EPHA6: variants seen among roughly 807,000 people sequenced by gnomAD.
EPHA6 encodes ephrin type-A receptor 6.
A neutral mutation model predicts 112.0 loss-of-function variants in EPHA6; 50 were observed. The ratio of observed to expected loss-of-function variants is 0.45; its 90% CI spans 0.36 to 0.56. The LOEUF (loss-of-function observed/expected upper bound fraction) is 0.56. Ranked by LOEUF, EPHA6 falls within the 20% of genes least tolerant of loss-of-function variation. EPHA6 has a pLI of 0.00. For missense variants in EPHA6, 1,280 were observed against 1,417.4 expected, an observed-to-expected ratio of 0.90 and a Z score of 1.56; for synonymous variants, 529 against 490.7, an observed-to-expected ratio of 1.08 and a Z score of -1.03.
At chr3:97,288,781 A>G (rs1559854283) in intron 5 of EPHA6, among the ~76,000 whole-genome samples, 1 of 149,330 alleles carries the variant, frequency 6.7e-6, no homozygotes, top group Non-Finnish European at 1.5e-5. Context: ...GACTGGTGTA[A>G]CATAGTATCT....
intron 3 of EPHA6, among the ~76,000 whole-genome samples, chr3:97,023,185 T>C (rs2044521670): frequency 6.6e-6 from 1 of 152,140 alleles, no homozygotes; most frequent in South Asian, 2.1e-4. Context: ...TTCAAGCAAT[T>C]CTCCTGCCTC....
chr3:97,570,032 T>G (rs2093316566), intron 11 of EPHA6: 1 of 152,128 alleles, frequency 6.6e-6, no homozygotes, highest in African/African-American at 2.4e-5. Flanking sequence ...CGACTCACAC[T>G]GTTGCCAGGT....
At chr3:96,934,467 A>C (rs924096607) in intron 2 of EPHA6, among the ~76,000 whole-genome samples, 1 of 151,634 alleles carries the variant, frequency 6.6e-6, no homozygotes, top group African/African-American at 2.4e-5. Flanking sequence ...TTATTATTTT[A>C]TTAACCATGG....
intron 3 of EPHA6, among the ~76,000 whole-genome samples, chr3:97,107,263 GAAGTA>G (rs2047596000): frequency 6.6e-6 from 1 of 152,080 alleles, no homozygotes; most frequent in African/African-American, 2.4e-5. Flanking sequence ...GAATATTCAA[GAAGTA>G]AATAGTAGTG....
At chr3:97,452,616 A>G (rs1022513928) in intron 7 of EPHA6, among the ~76,000 whole-genome samples, 1 of 151,790 alleles carries the variant, frequency 6.6e-6, no homozygotes, top group Non-Finnish European at 1.5e-5. Flanking sequence ...ATAAAATTAC[A>G]GAATCAGTAG....
At chr3:97,029,001 A>G (rs565276029) in intron 3 of EPHA6, among the ~76,000 whole-genome samples, 71 of 151,764 alleles carry the variant, frequency 4.7e-4, no homozygotes, top group South Asian at 1.9e-3. Flanking sequence ...AGGAAATGAA[A>G]TATTGGAATT....
At chr3:97,088,158 T>C (rs748433513) in intron 3 of EPHA6, among the ~76,000 whole-genome samples, 3 of 152,014 alleles carry the variant, frequency 2.0e-5, no homozygotes, top group Non-Finnish European at 4.4e-5. Flanking sequence ...TCCAGCCTGG[T>C]GACAGAGCAA....
At chr3:97,508,476 G>A (rs543990958) in intron 10 of EPHA6, among the ~76,000 whole-genome samples, 5 of 152,302 alleles carry the variant, frequency 3.3e-5, no homozygotes, top group South Asian at 2.1e-4. Context: ...GCAGTTTTGC[G>A]TGAGTTTCTT....
chr3:97,314,984 A>T (rs536204204), intron 5 of EPHA6, among the ~76,000 whole-genome samples: 19 of 151,800 alleles, frequency 1.3e-4, no homozygotes, highest in Middle Eastern at 3.4e-3. Context: ...GATGAAAATC[A>T]CCACTTCAAA....
At chr3:96,937,130 T>A (rs928817886) in intron 2 of EPHA6, among the ~76,000 whole-genome samples, 5 of 152,212 alleles carry the variant, frequency 3.3e-5, no homozygotes, top group Non-Finnish European at 1.5e-5. Flanking sequence ...TACCCAGTAA[T>A]GGGATTGCTG....
At chr3:97,658,007 G>A (rs2094146995) in intron 14 of EPHA6, among the ~76,000 whole-genome samples, 1 of 151,888 alleles carries the variant, frequency 6.6e-6, no homozygotes, top group Middle Eastern at 3.4e-3. Flanking sequence ...CAATACAGTG[G>A]AAAGGGGGAG....
intron 14 of EPHA6, among the ~76,000 whole-genome samples, chr3:97,697,717 A>G (rs898368609): frequency 3.3e-5 from 5 of 152,152 alleles, no homozygotes; most frequent in Admixed American, 1.3e-4. Context: ...TGAAGCATCT[A>G]ATATACTCGA....
intron 14 of EPHA6, among the ~76,000 whole-genome samples, chr3:97,660,629 G>C (rs750856257): frequency 6.6e-6 from 1 of 152,086 alleles, no homozygotes; most frequent in Non-Finnish European, 1.5e-5. Flanking sequence ...TGATTTGCCT[G>C]TATTGTGCCC....
intron 2 of EPHA6, among the ~76,000 whole-genome samples, chr3:96,960,412 A>T (rs1208227847): frequency 1.3e-5 from 2 of 152,054 alleles, no homozygotes; most frequent in Non-Finnish European, 2.9e-5. Context: ...CCGTTTTGCC[A>T]CTTTTGGCAA....
chr3:97,585,417 G>A (rs147709470), intron 11 of EPHA6, among the ~76,000 whole-genome samples: 60 of 152,106 alleles, frequency 3.9e-4, no homozygotes, highest in African/African-American at 1.4e-3. Flanking sequence ...TTTGTGATAC[G>A]CGTTCTACAA....
intron 5 of EPHA6, among the ~76,000 whole-genome samples, chr3:97,377,797 G>A (rs891092361): frequency 6.6e-6 from 1 of 152,140 alleles, no homozygotes; most frequent in Non-Finnish European, 1.5e-5. Context: ...ATGATTTAGG[G>A]TATCTGGCAG....
intron 2 of EPHA6, among the ~76,000 whole-genome samples, chr3:96,891,995 C>T (rs556613843): frequency 1.3e-5 from 2 of 152,236 alleles, no homozygotes; most frequent in African/African-American, 4.8e-5. Context: ...GTTTTGGAGG[C>T]CCACAGACAG....
At chr3:97,680,661 C>T (rs1226183349) in intron 14 of EPHA6, among the ~76,000 whole-genome samples, 1 of 152,104 alleles carries the variant, frequency 6.6e-6, no homozygotes, top group Non-Finnish European at 1.5e-5. Flanking sequence ...TATCAGTGTC[C>T]CTTTGTCTAA....
At chr3:97,128,636 T>C (rs2048248799) in intron 3 of EPHA6, among the ~76,000 whole-genome samples, 1 of 152,004 alleles carries the variant, frequency 6.6e-6, no homozygotes, top group Non-Finnish European at 1.5e-5. Context: ...TGTGTCAACC[T>C]CTTAAGTAGC....
Sources: allele counts gnomAD v4.1 joint callset (sites outside exome capture counted in the v4.1 genomes callset), GRCh38; gene constraint gnomAD v4.1.1; transcripts MANE v1.5; gene names NCBI Gene and HGNC (gene_info 2026-07-23, HGNC 2026-07-21).